MMD: variants seen among roughly 807,000 people sequenced by gnomAD.
MMD encodes the protein monocyte to macrophage differentiation associated.
MMD carries 22 observed loss-of-function variants against 33.6 expected under a neutral mutation model. The ratio of observed to expected loss-of-function variants is 0.66; its 90% CI spans 0.47 to 0.94. MMD has a LOEUF of 0.94. MMD is among the 40% of genes least tolerant of loss of function. The probability of loss-of-function intolerance (pLI) is 0.00; values close to 1 mark genes in which losing one functional copy is unlikely to be tolerated. For missense variants in MMD, 242 were observed against 309.8 expected (o/e 0.78, Z 1.64); for synonymous variants, 97 against 103.2 (o/e 0.94, Z 0.36).
At chr17:55,395,236 T>G (rs1907055504) in intron 6 of MMD, among the ~76,000 whole-genome samples, 1 of 152,208 alleles carries the variant, frequency 6.6e-6, no homozygotes, top group Non-Finnish European at 1.5e-5. Context: ...TGTTCTTGGT[T>G]TTCAAAGACC....
At chr17:55,416,988 C>T (rs1430838773) in intron 1 of MMD, among the ~76,000 whole-genome samples, 2 of 152,164 alleles carry the variant, frequency 1.3e-5, no homozygotes, top group Non-Finnish European at 2.9e-5. Flanking sequence ...CTTATCACCT[C>T]CTCCTTCCCC....
At chr17:55,409,480 T>G (rs141969798) in intron 3 of MMD, among the ~76,000 whole-genome samples, 1 of 152,216 alleles carries the variant, frequency 6.6e-6, no homozygotes, top group African/African-American at 2.4e-5. Flanking sequence ...ACTTACCTCA[T>G]AGGTAAAGTG....
intron 2 of MMD, among the ~76,000 whole-genome samples, chr17:55,413,053 C>T (rs1273248649): frequency 6.6e-6 from 1 of 152,140 alleles, no homozygotes; most frequent in Non-Finnish European, 1.5e-5. Context: ...GGGGTTTTGT[C>T]AGGTCTCCCT....
intron 1 of MMD, among the ~76,000 whole-genome samples, chr17:55,415,710 G>A (rs1907942903): frequency 6.6e-6 from 1 of 152,188 alleles, no homozygotes; most frequent in African/African-American, 2.4e-5. Flanking sequence ...AATCCACTGG[G>A]GAATGAATTT....
intron 6 of MMD, among the ~76,000 whole-genome samples, chr17:55,395,453 G>C (rs1907064401): frequency 6.6e-6 from 1 of 152,226 alleles, no homozygotes; most frequent in Admixed American, 6.5e-5. Flanking sequence ...TGTCCTAGAG[G>C]CCTGGGCACT....
chr17:55,421,097 C>T (rs993652667), intron 1 of MMD, among the ~76,000 whole-genome samples: 1 of 152,268 alleles, frequency 6.6e-6, no homozygotes, highest in Non-Finnish European at 1.5e-5. Flanking sequence ...GGCCCCTACA[C>T]GGCCAGGCAG....
chr17:55,419,372 A>G (rs1012903072), intron 1 of MMD, among the ~76,000 whole-genome samples: 18 of 152,332 alleles, frequency 1.2e-4, no homozygotes, highest in African/African-American at 4.1e-4. Context: ...GGAAGATAAA[A>G]TATGCCTCTG....
intron 5 of MMD, among the ~76,000 whole-genome samples, chr17:55,403,385 T>C (rs1354975278): frequency 2.6e-5 from 4 of 152,208 alleles, no homozygotes; most frequent in Non-Finnish European, 5.9e-5. Context: ...AGGTATATTG[T>C]ACTGAGCACT....
At chr17:55,417,530 C>T (rs1055162433) in intron 1 of MMD, among the ~76,000 whole-genome samples, 9 of 152,232 alleles carry the variant, frequency 5.9e-5, no homozygotes, top group Admixed American at 2.6e-4. Flanking sequence ...GTGGCTCACA[C>T]CTGTAATCCC....
chr17:55,403,543 C>T lies in MMD; in HGVS notation c.446+224G>A, dbSNP rs117392560. ...CTCCAAAGGGGCTGGTTACCATGTC[C>T]CCTCAACTACATTATACCAAACCTG... is the stretch of plus-strand genomic sequence containing the variant. On this transcript the variant is annotated intron_variant, in intron 5 of 6. Transcript: ENST00000262065. Among the ~76,000 whole-genome samples the T allele has an allele frequency of 8.9e-3, 1,359 of 152,214 alleles. 13 individuals carry two copies. The highest frequency in any genetic ancestry group is 0.02 in the Middle Eastern group (6 of 294).
intron 1 of MMD, among the ~76,000 whole-genome samples, chr17:55,415,386 G>C (rs1907928691): frequency 6.6e-6 from 1 of 152,050 alleles, no homozygotes; most frequent in African/African-American, 2.4e-5. Context: ...TAATCCTTTT[G>C]CTCAAGCTAG....
chr17:55,419,536 T>C (rs1908094742), intron 1 of MMD, among the ~76,000 whole-genome samples: 1 of 152,232 alleles, frequency 6.6e-6, no homozygotes, highest in South Asian at 2.1e-4. Flanking sequence ...CCAGTTCCTT[T>C]GCAATTTACC....
chr17:55,410,890 C>T (rs1257239530), intron 3 of MMD, among the ~76,000 whole-genome samples: 2 of 152,198 alleles, frequency 1.3e-5, no homozygotes, highest in Non-Finnish European at 2.9e-5. Flanking sequence ...AGCCTGCCTG[C>T]TGACTCCAAG....
chr17:55,411,824 C>T (rs1287325555), intron 2 of MMD, among the ~76,000 whole-genome samples: 1 of 152,116 alleles, frequency 6.6e-6, no homozygotes, highest in Non-Finnish European at 1.5e-5. Context: ...TGACTGTAAT[C>T]CCAGCACTTT....
chr17:55,418,331 G>A (rs191475295), intron 1 of MMD, among the ~76,000 whole-genome samples: 37 of 152,294 alleles, frequency 2.4e-4, no homozygotes, highest in Admixed American at 1.2e-3. Flanking sequence ...GAAGTACAAT[G>A]CCCAGCTTAT....
chr17:55,404,774 T>C, intron 4 of MMD: 2 of 985,090 alleles, frequency 2.0e-6, no homozygotes, highest in Non-Finnish European at 2.4e-6. Context: ...TAAGAATACA[T>C]GAGAAGTTCA....
chr17:55,394,118 T>A lies in MMD; in HGVS notation c.*216A>T, dbSNP rs1907013656. The A allele has an allele frequency of 2.7e-6, 1 of 366,184 alleles. No individual in the cohort carries two copies. Among genetic ancestry groups the A allele is most frequent in the African/African-American group, 2.1e-5 (1 of 47,896 alleles). The allele number at this position is 366,184 out of a possible 1,614,324, so 22.7% of individuals were successfully genotyped here. On this transcript the variant is annotated 3_prime_UTR_variant, in exon 7 of 7. Transcript: ENST00000262065. The stretch of plus-strand genomic sequence containing the variant: ...GTCTATTCAGAGTCCTTCATGATAG[T>A]GGAATGGAATGAATAATTAATTCAC...
At position 55,394,047 on chromosome 17, in the gene MMD, T is replaced by C. The variant is rs1907011607; in HGVS notation, c.*287A>G. 1 of 221,400 alleles carries C rather than the reference T, an allele frequency of 4.5e-6. No individual in the cohort carries two copies. The highest frequency in any genetic ancestry group is 5.8e-5 in the Admixed American group (1 of 17,354). The allele number at this position is 221,400 out of a possible 1,614,324, so 13.7% of individuals were successfully genotyped here. ...TAGAAAAATCATGTAGTAAAATCTGTAAAATTAAAATATAAAAGTCTGGTT... is the reference window on the plus strand; with the variant it reads ...TAGAAAAATCATGTAGTAAAATCTGCAAAATTAAAATATAAAAGTCTGGTT... On this transcript the variant is annotated 3_prime_UTR_variant, in exon 7 of 7. Transcript: ENST00000262065.
chr17:55,406,475 C>T (rs541664311), intron 4 of MMD, among the ~76,000 whole-genome samples: 4 of 152,162 alleles, frequency 2.6e-5, no homozygotes, highest in South Asian at 2.1e-4. Flanking sequence ...GCAGGAGAAT[C>T]GCTTGAACCT....
Sources: allele counts gnomAD v4.1 joint callset (sites outside exome capture counted in the v4.1 genomes callset), GRCh38; gene constraint gnomAD v4.1.1; transcripts MANE v1.5; gene names NCBI Gene and HGNC (gene_info 2026-07-23, HGNC 2026-07-21).